Variants in SOX5 observed in about 807,000 individuals in gnomAD.
The protein encoded by SOX5 is SRY-box transcription factor 5.
SOX5 carries 9 observed loss-of-function variants against 92.0 expected under a neutral mutation model. The observed-to-expected ratio is 0.10, with a 90% confidence interval of 0.06 to 0.17. The LOEUF (loss-of-function observed/expected upper bound fraction) is 0.17, where lower values mean the gene tolerates loss of function less well. Among genes scored for constraint, SOX5 ranks in the 10% least tolerant of loss-of-function variants. SOX5 has a pLI of 1.00. For synonymous variants in SOX5, 344 were observed against 336.3 expected (o/e 1.02, Z -0.25); for missense variants, 642 against 944.5 (o/e 0.68, Z 4.20).
At chr12:24,150,017 T>G (rs965534027) in intron 4 of SOX5, among the ~76,000 whole-genome samples, 4 of 152,160 alleles carry the variant, frequency 2.6e-5, no homozygotes, top group African/African-American at 9.7e-5. Context: ...GATAGGGACA[T>G]GAGAAAACTT....
chr12:24,188,206 T>C (rs1226380133), intron 4 of SOX5, among the ~76,000 whole-genome samples: 2 of 152,062 alleles, frequency 1.3e-5, no homozygotes, highest in Non-Finnish European at 1.5e-5. Flanking sequence ...AAAATTTAAA[T>C]GAACAAGGCA....
At chr12:23,942,417 T>C (rs1392513274) in intron 1 of SOX5, among the ~76,000 whole-genome samples, 1 of 151,794 alleles carries the variant, frequency 6.6e-6, no homozygotes, top group Non-Finnish European at 1.5e-5. Flanking sequence ...CTGACAACAT[T>C]CTGAAATAAA....
At chr12:24,468,812 G>T (rs561151666) in intron 1 of SOX5, among the ~76,000 whole-genome samples, 156 of 152,072 alleles carry the variant, frequency 1.0e-3, no homozygotes, top group African/African-American at 3.6e-3. Flanking sequence ...TTTAAAAAAA[G>T]AAATACTATT....
intron 2 of SOX5, among the ~76,000 whole-genome samples, chr12:24,342,039 C>CA (rs1290117656): frequency 6.6e-6 from 1 of 152,360 alleles, no homozygotes; most frequent in African/African-American, 2.4e-5. Context: ...CGTGGACACA[C>CA]AGAGTATCTA....
chr12:23,820,606 T>A (rs892808463), intron 3 of SOX5, among the ~76,000 whole-genome samples: 2 of 152,214 alleles, frequency 1.3e-5, no homozygotes, highest in African/African-American at 2.4e-5. Context: ...TTGTATAAAG[T>A]ATAGGGAAGG....
In SOX5 at chr12:24,184,618, G is replaced by A. The variant is rs145029125; in HGVS notation, c.-2+28725C>T. ...AACCTCACTATTTCTGGACTAGGAA[G>A]AATACATGTAACGTTTTGACTCTGA... is the stretch of plus-strand genomic sequence containing the variant. On this transcript the variant is annotated intron_variant, in intron 4 of 4. Transcript: ENST00000446891. 5.8e-3 allele frequency among the ~76,000 whole-genome samples: 882 copies of A among 152,230 alleles called. 5 individuals carry two copies. Among genetic ancestry groups the A allele is most frequent in the African/African-American group, 0.02 (850 of 41,566 alleles).
intron 4 of SOX5, among the ~76,000 whole-genome samples, chr12:24,119,949 T>C (rs901958991): frequency 4.6e-5 from 7 of 152,238 alleles, no homozygotes; most frequent in Non-Finnish European, 8.8e-5. Flanking sequence ...GTTTGGCTCA[T>C]GCACTCATTG....
chr12:24,065,645 CAAAAA>C (rs71445983), intron 4 of SOX5, among the ~76,000 whole-genome samples: 1 of 81,670 alleles, frequency 1.2e-5, no homozygotes, highest in Non-Finnish European at 2.3e-5. Context: ...GACTCCATCT[CAAAAA>C]AAAAAAAAAA....
intron 3 of SOX5, among the ~76,000 whole-genome samples, chr12:23,843,325 A>C (rs1273410489): frequency 6.6e-6 from 1 of 152,178 alleles, no homozygotes; most frequent in Non-Finnish European, 1.5e-5. Flanking sequence ...TCTGGACTTT[A>C]GTTAATAATA....
chr12:23,573,873 C>T (rs1948736253), intron 10 of SOX5, among the ~76,000 whole-genome samples: 1 of 151,796 alleles, frequency 6.6e-6, no homozygotes, highest in Admixed American at 6.6e-5. Flanking sequence ...ACCGAGACCA[C>T]CAGAAAACAG....
chr12:24,284,029 G>A (rs985007714), intron 2 of SOX5, among the ~76,000 whole-genome samples: 11 of 152,186 alleles, frequency 7.2e-5, no homozygotes, highest in African/African-American at 1.9e-4. Context: ...TTAAATGGAC[G>A]TTGCAATGTC....
chr12:23,805,744 G>T lies in SOX5; in HGVS notation c.481+40239C>A, dbSNP rs568354066. 5.9e-5 allele frequency among the ~76,000 whole-genome samples: 9 copies of T among 152,242 alleles called. No individual in the cohort carries two copies. The East Asian group carries it at 1.7e-3, about 29-fold the overall frequency. On this transcript the variant is annotated intron_variant, in intron 3 of 14. Transcript: ENST00000451604. ...ATGTATACGGCCAAACAGTAATTCA[G>T]AACAAAGTCAAACTTATCATCTAAG...
At chr12:23,767,578 T>C (rs990012451) in intron 3 of SOX5, among the ~76,000 whole-genome samples, 3 of 152,174 alleles carry the variant, frequency 2.0e-5, no homozygotes, top group African/African-American at 7.2e-5. Context: ...CTATGTACCT[T>C]GAATATAACT....
At chr12:24,236,692 T>A (rs997505925) in intron 3 of SOX5, among the ~76,000 whole-genome samples, 1 of 152,224 alleles carries the variant, frequency 6.6e-6, no homozygotes, top group African/African-American at 2.4e-5. Flanking sequence ...TGCAAAGCAC[T>A]TGGTTGGCAA....
intron 6 of SOX5, among the ~76,000 whole-genome samples, chr12:23,726,455 A>G (rs754466096): frequency 6.6e-6 from 1 of 152,172 alleles, no homozygotes; most frequent in Non-Finnish European, 1.5e-5. Context: ...ACCCCCAGCT[A>G]TAGCATTTAT....
At chr12:23,726,956 C>T (rs1593726649) in intron 6 of SOX5, among the ~76,000 whole-genome samples, 2 of 152,160 alleles carry the variant, frequency 1.3e-5, no homozygotes, top group East Asian at 1.9e-4. Flanking sequence ...AAACAATTAT[C>T]TAAATAGATT....
chr12:24,488,292 CA>C (rs1156374016), intron 1 of SOX5, among the ~76,000 whole-genome samples: 1 of 152,060 alleles, frequency 6.6e-6, no homozygotes, highest in Admixed American at 6.5e-5. Context: ...CAACATGTTG[CA>C]AAAAGATCTA....
At chr12:24,092,217 T>C (rs1046350014) in intron 4 of SOX5, among the ~76,000 whole-genome samples, 2 of 151,952 alleles carry the variant, frequency 1.3e-5, no homozygotes, top group African/African-American at 2.4e-5. Flanking sequence ...CTCTGATTCA[T>C]TGTCTTCTCT....
At chr12:23,546,192 G>A in intron 12 of SOX5, 124 bp downstream of exon 12, 1 of 630,370 alleles carries the variant, frequency 1.6e-6, no homozygotes. Flanking sequence ...CTCAGTATAT[G>A]TGACCTCTTA....
Sources: allele counts gnomAD v4.1 joint callset (sites outside exome capture counted in the v4.1 genomes callset), GRCh38; gene constraint gnomAD v4.1.1; transcripts MANE v1.5; gene names NCBI Gene and HGNC (gene_info 2026-07-23, HGNC 2026-07-21).